SNTG1: variants seen among roughly 807,000 people sequenced by gnomAD.
SNTG1 encodes gamma-1-syntrophin.
In SNTG1, 39 loss-of-function variants were observed where a neutral mutation model predicts 74.7. The observed-to-expected ratio is 0.52, with a 90% CI of 0.40 to 0.68. SNTG1 has a LOEUF of 0.68. Ranked by LOEUF, SNTG1 falls within the 30% of genes least tolerant of loss-of-function variation. The pLI is 0.00. For missense variants in SNTG1, 685 were observed against 609.5 expected (o/e 1.12, Z -1.30); for synonymous variants, 254 against 217.1 (o/e 1.17, Z -1.49).
intron 2 of SNTG1, among the ~76,000 whole-genome samples, chr8:50,270,595 T>G (rs191259878): frequency 6.6e-6 from 1 of 152,154 alleles, no homozygotes; most frequent in African/African-American, 2.4e-5. Context: ...TAAGCTAGAT[T>G]TGAGAACTTT....
chr8:50,759,331 A>G (rs2095590922), intron 18 of SNTG1, among the ~76,000 whole-genome samples: 1 of 151,894 alleles, frequency 6.6e-6, no homozygotes, highest in African/African-American at 2.4e-5. Flanking sequence ...TCGTTTGTCA[A>G]TTTTGGCTTT....
chr8:50,053,679 G>T (rs960644016), intron 1 of SNTG1, among the ~76,000 whole-genome samples: 6 of 131,504 alleles, frequency 4.6e-5, no homozygotes, highest in Non-Finnish European at 7.7e-5. Context: ...ATAGTATCCT[G>T]GATAGAATCC....
intron 2 of SNTG1, among the ~76,000 whole-genome samples, chr8:50,264,169 G>T (rs528958706): frequency 4.6e-5 from 7 of 152,204 alleles, no homozygotes; most frequent in African/African-American, 1.7e-4. Flanking sequence ...AAACTTACGG[G>T]ATCCAGATAA....
chr8:50,118,260 G>T (rs922309639), intron 1 of SNTG1, among the ~76,000 whole-genome samples: 2 of 151,940 alleles, frequency 1.3e-5, no homozygotes, highest in African/African-American at 2.4e-5. Context: ...GACTGGAGAA[G>T]ACACTACAAC....
chr8:50,792,865 T>C lies in SNTG1; in HGVS notation c.*36T>C, dbSNP rs769407525. ...TCTTCATTGACACACCCCATGACTGTATAAGCAGGACACATTTACTCATCA... is the reference window on the plus strand; with the variant it reads ...TCTTCATTGACACACCCCATGACTGCATAAGCAGGACACATTTACTCATCA... On this transcript the variant is annotated 3_prime_UTR_variant, in exon 19 of 19. Transcript: ENST00000642720. The C allele has an allele frequency of 8.3e-6, 13 of 1,568,368 alleles. No individual in the cohort carries two copies. Among genetic ancestry groups the C allele is most frequent in the Non-Finnish European group, 1.1e-5 (13 of 1,155,848 alleles).
At chr8:49,966,316 T>A (rs1419898875) in intron 1 of SNTG1, among the ~76,000 whole-genome samples, 2 of 152,174 alleles carry the variant, frequency 1.3e-5, no homozygotes, top group Non-Finnish European at 1.5e-5. Flanking sequence ...CAGTCAGTAC[T>A]TTAAGTGTTT....
At chr8:50,731,811 C>T (rs757634080) in intron 17 of SNTG1, among the ~76,000 whole-genome samples, 2 of 152,152 alleles carry the variant, frequency 1.3e-5, no homozygotes, top group South Asian at 2.1e-4. Context: ...AATAAGACTG[C>T]CAATAAGTCC....
At chr8:49,943,919 A>T (rs1006813884) in intron 1 of SNTG1, among the ~76,000 whole-genome samples, 18 of 152,302 alleles carry the variant, frequency 1.2e-4, no homozygotes, top group South Asian at 4.1e-4. Context: ...TTATTTTTTT[A>T]AAAGCTTTTA....
chr8:50,278,836 T>G (rs1165596375), intron 2 of SNTG1, among the ~76,000 whole-genome samples: 1 of 91,490 alleles, frequency 1.1e-5, no homozygotes. Flanking sequence ...ACCTTTAACT[T>G]AACTTAAAAA....
chr8:49,973,576 A>G (rs1811920060), intron 1 of SNTG1, among the ~76,000 whole-genome samples: 1 of 152,126 alleles, frequency 6.6e-6, no homozygotes, highest in Admixed American at 6.5e-5. Context: ...TTACTGCTTC[A>G]CTTTGGTGAG....
Position 50,211,742 on chromosome 8 carries a change from C to T in SNTG1, c.-28+39107C>T, listed in dbSNP as rs534915744. The stretch of plus-strand genomic sequence containing the variant: ...AAAAATGTTTTATTTTCATAAGAAA[C>T]ATTGCAATTACAAATACAAAATCAT... On this transcript the variant is annotated intron_variant, in intron 2 of 18. Transcript: ENST00000642720. Among the ~76,000 whole-genome samples, 6 of 152,056 alleles carry T rather than the reference C, an allele frequency of 3.9e-5. No homozygotes were observed. In the East Asian group the frequency reaches 1.2e-3, roughly 29 times the overall value.
intron 5 of SNTG1, among the ~76,000 whole-genome samples, chr8:50,438,913 G>A (rs972112612): frequency 1.3e-5 from 2 of 152,074 alleles, no homozygotes; most frequent in African/African-American, 4.8e-5. Context: ...AACTGGAGTA[G>A]GAAATGATGA....
rs144292398 is a variant in SNTG1, at chr8:50,767,234, C to A, written c.1395+15123C>A. ...GCTTATTTAACAAGAAATATGGTTT[C>A]TTTGGGGAATATTATTGCATGAGCC... On this transcript the variant is annotated intron_variant, in intron 18 of 18. Coordinates refer to ENST00000642720, the MANE Select transcript of SNTG1 (RefSeq NM_018967.5). Among the ~76,000 whole-genome samples, 235 of 152,056 alleles carry A rather than the reference C, an allele frequency of 1.5e-3. 1 individual carries two copies. The highest frequency in any genetic ancestry group is 6.8e-3 in the Middle Eastern group (2 of 294).
At chr8:49,993,081 T>C (rs1475441655) in intron 1 of SNTG1, among the ~76,000 whole-genome samples, 9 of 152,154 alleles carry the variant, frequency 5.9e-5, no homozygotes, top group Non-Finnish European at 1.3e-4. Flanking sequence ...CTTATATGTA[T>C]ACTTAAAATT....
chr8:50,206,435 G>A (rs1042886984), intron 2 of SNTG1, among the ~76,000 whole-genome samples: 2 of 152,264 alleles, frequency 1.3e-5, no homozygotes, highest in Middle Eastern at 3.4e-3. Context: ...TGAGACTGCT[G>A]AAGTTTCTTA....
chr8:50,324,934 T>TATAC (rs1315894266), intron 2 of SNTG1, among the ~76,000 whole-genome samples: 15 of 39,628 alleles, frequency 3.8e-4, no homozygotes, highest in African/African-American at 7.1e-4. Context: ...GTGTGCATTT[T>TATAC]ATACATATAT....
intron 17 of SNTG1, among the ~76,000 whole-genome samples, chr8:50,737,566 A>G (rs1166648896): frequency 6.6e-6 from 1 of 152,180 alleles, no homozygotes. Context: ...TTATGAGGCC[A>G]GCATCATCCT....
At chr8:50,492,737 ATGAG>A (rs2093868869) in intron 8 of SNTG1, among the ~76,000 whole-genome samples, 2 of 152,246 alleles carry the variant, frequency 1.3e-5, no homozygotes, top group East Asian at 1.9e-4. Context: ...CTTTAGTTTA[ATGAG>A]ACGTATTTGT....
chr8:50,046,573 G>C (rs765190188), intron 1 of SNTG1, among the ~76,000 whole-genome samples: 2 of 152,070 alleles, frequency 1.3e-5, no homozygotes, highest in East Asian at 3.9e-4. Flanking sequence ...CCATTCTAGC[G>C]TGAATTTATA....
Sources: gnomAD v4.1 joint callset for allele counts (sites outside exome capture counted in the v4.1 genomes callset) on GRCh38, gnomAD v4.1.1 for gene constraint, MANE v1.5 for transcripts, NCBI Gene and HGNC (gene_info 2026-07-23, HGNC 2026-07-21) for gene names.